Variants in TULP4 observed in about 807,000 individuals in gnomAD.
TULP4 encodes tubby-related protein 4.
A neutral mutation model predicts 129.0 loss-of-function variants in TULP4; 16 were observed. That is an observed-to-expected ratio of 0.12 (90% CI 0.08 to 0.19). The LOEUF (loss-of-function observed/expected upper bound fraction) is 0.19, where lower values mean the gene tolerates loss of function less well. TULP4 is among the 10% of genes least tolerant of loss of function. The pLI, the probability that TULP4 is intolerant of heterozygous loss-of-function variation, is 1.00. For missense variants in TULP4, 1,842 were observed against 2,059.1 expected (o/e 0.89, Z 2.04); for synonymous variants, 998 against 854.0 (o/e 1.17, Z -2.94).
At chr6:158,310,071 C>G (rs117225742), upstream of TULP4, among the ~76,000 whole-genome samples, 5,204 of 152,254 alleles carry the variant, frequency 0.034, 146 homozygotes, top group South Asian at 0.1. Flanking sequence ...ATTTGTCATT[C>G]ATACTTTTTA....
chr6:158,425,796 A>G (rs1005777187), intron 2 of TULP4, among the ~76,000 whole-genome samples: 1 of 151,934 alleles, frequency 6.6e-6, no homozygotes, highest in African/African-American at 2.4e-5. Flanking sequence ...TAGAGATGGG[A>G]AACCCATCTC....
chr6:158,368,065 C>CAAAAAAAAAAAAAAAAA, intron 1 of TULP4, among the ~76,000 whole-genome samples: 1 of 18,130 alleles, frequency 5.5e-5, no homozygotes, highest in Non-Finnish European at 1.4e-4. Flanking sequence ...GACCCTGTCT[C>CAAAAAAAAAAAAAAAAA]CAAAAAAAAA....
intron 1 of TULP4, among the ~76,000 whole-genome samples, chr6:158,297,604 G>T (rs969878606): frequency 6.6e-6 from 1 of 152,166 alleles, no homozygotes; most frequent in Admixed American, 6.6e-5. Context: ...AATTATAAAA[G>T]TATTAATTTT....
At chr6:158,268,035 C>CTTTTTTTTTTTTTTTTTTTTTTTTTTTTT (rs773811376) in intron 1 of TULP4, among the ~76,000 whole-genome samples, 8 of 72,768 alleles carry the variant, frequency 1.1e-4, no homozygotes, top group Non-Finnish European at 2.5e-4. Flanking sequence ...TTTCTTTTTT[C>CTTTTTTTTTTTTTTTTTTTTTTTTTTTTT]TTTTTTTTTT....
chr6:158,390,145 A>G (rs1388856296), intron 1 of TULP4, among the ~76,000 whole-genome samples: 2 of 152,176 alleles, frequency 1.3e-5, no homozygotes, highest in Non-Finnish European at 2.9e-5. Context: ...AAAAAAGTAT[A>G]TAAAATGATA....
intron 1 of TULP4, among the ~76,000 whole-genome samples, chr6:158,325,360 T>C (rs528712061): frequency 7.3e-4 from 110 of 150,464 alleles, no homozygotes; most frequent in African/African-American, 2.5e-3. Flanking sequence ...CTTTTCTTTT[T>C]TTTTTTTTTT....
intron 1 of TULP4, among the ~76,000 whole-genome samples, chr6:158,382,643 T>G (rs1027235210): frequency 2.6e-5 from 4 of 152,196 alleles, no homozygotes; most frequent in Admixed American, 6.5e-5. Context: ...GATTAATAGA[T>G]AAGGTTGACC....
At chr6:158,361,797 T>C (rs1167012393) in intron 1 of TULP4, among the ~76,000 whole-genome samples, 1 of 152,244 alleles carries the variant, frequency 6.6e-6, no homozygotes, top group Non-Finnish European at 1.5e-5. Flanking sequence ...TACTTCTATA[T>C]TGACTAGCTC....
At position 158,313,937 on chromosome 6, in the gene TULP4, CAT is replaced by C; in HGVS notation, c.-76_-75del. On this transcript the variant is annotated 5_prime_UTR_variant, in exon 1 of 14. Transcript: ENST00000367097. Reference sequence around the variant, plus strand: ...GCAACGCAAGCCAACCACAAAAACACATATACCAATGAAAGAAATTGGTTTAA... The same window carrying C: ...GCAACGCAAGCCAACCACAAAAACACATACCAATGAAAGAAATTGGTTTAA... 1 of 1,528,756 alleles carries C rather than the reference CAT, an allele frequency of 6.5e-7. No individual in the cohort carries two copies. 94.7% of individuals were successfully genotyped at this position (1,528,756 alleles called of 1,614,324 possible).
chr6:158,369,689 A>G (rs1777030250), intron 1 of TULP4, among the ~76,000 whole-genome samples: 1 of 152,182 alleles, frequency 6.6e-6, no homozygotes, highest in South Asian at 2.1e-4. Context: ...AGACAATGCT[A>G]TCATTTGGTT....
chr6:158,478,717 G>A (rs971639878), intron 6 of TULP4, among the ~76,000 whole-genome samples: 4 of 152,138 alleles, frequency 2.6e-5, no homozygotes, highest in Admixed American at 1.3e-4. Flanking sequence ...TGTCTGGATC[G>A]GAATGAACAA....
At position 158,313,272 on chromosome 6, in the gene TULP4, G is replaced by T. The variant is rs1425057853; in HGVS notation, c.-745G>T. On this transcript the variant is annotated 5_prime_UTR_variant, in exon 1 of 14. Transcript: ENST00000367097. ...CCGATGGAGCCCTGCGTTCCCCGGG[G>T]ACACAGGGCCAAGCTTTGAGGTGGA... 7 of 383,080 alleles carry T rather than the reference G, an allele frequency of 1.8e-5. No homozygotes were observed. The highest frequency in any genetic ancestry group is 1.8e-5 in the Non-Finnish European group (4 of 217,164). The allele number at this position is 383,080 out of a possible 1,614,324, so 23.7% of individuals were successfully genotyped here.
At position 158,314,184 on chromosome 6, in the gene TULP4, G is replaced by A; in HGVS notation, c.168G>A (p.Gly56=). 4 of 1,614,106 alleles carry A rather than the reference G, an allele frequency of 2.5e-6. No homozygotes were observed. Among genetic ancestry groups the A allele is most frequent in the Non-Finnish European group, 3.4e-6 (4 of 1,180,030 alleles). ...LATGNGRGVV[G]VTFTSSHCRR... ...CGGGCAACGGGCGAGGAGTGGTTGG[G>A]GTGACTTTCACCTCTAGTCACTGTC... The change falls in exon 1 of 14, where the codon GGG becomes GGA. Residue 56 remains glycine, a synonymous_variant. Transcript: ENST00000367097.
At chr6:158,454,450 C>T (rs934593003) in intron 5 of TULP4, among the ~76,000 whole-genome samples, 13 of 152,176 alleles carry the variant, frequency 8.5e-5, no homozygotes, top group African/African-American at 2.9e-4. Flanking sequence ...CTTGGTTTCT[C>T]TACCAAATAT....
Position 158,321,329 on chromosome 6 carries a change from A to G in TULP4, c.252+7061A>G, listed in dbSNP as rs9456290. Among the ~76,000 whole-genome samples, 728 of 152,038 alleles carry G rather than the reference A, an allele frequency of 4.8e-3. 6 individuals carry two copies. The highest frequency in any genetic ancestry group is 0.016 in the African/African-American group (668 of 41,466). ...TTTTTTGCCTCATCTTTAAATGTTA[A>G]CGGGCACCAGGCATGCATATTTTTC... On this transcript the variant is annotated intron_variant, in intron 1 of 13. Coordinates refer to ENST00000367097, the MANE Select transcript of TULP4 (RefSeq NM_020245.5).
intron 3 of TULP4, among the ~76,000 whole-genome samples, chr6:158,444,246 A>AT (rs1554291963): frequency 0.013 from 1,099 of 86,648 alleles, 41 homozygotes; most frequent in Non-Finnish European, 0.019. Flanking sequence ...AAAAAAAAAA[A>AT]TTTTTTTTTT....
intron 1 of TULP4, among the ~76,000 whole-genome samples, chr6:158,408,583 CA>C (rs1778018048): frequency 6.6e-6 from 1 of 152,088 alleles, no homozygotes; most frequent in African/African-American, 2.4e-5. Flanking sequence ...TGGCTTGCGT[CA>C]AGCAGACGAG....
intron 6 of TULP4, among the ~76,000 whole-genome samples, chr6:158,468,371 A>C (rs1291783162): frequency 6.6e-6 from 1 of 152,218 alleles, no homozygotes; most frequent in Non-Finnish European, 1.5e-5. Flanking sequence ...GAAGTTACAC[A>C]AACTTCTCAG....
chr6:158,233,550 G>A (rs993850598), intron 1 of TULP4, among the ~76,000 whole-genome samples: 1 of 152,144 alleles, frequency 6.6e-6, no homozygotes, highest in South Asian at 2.1e-4. Context: ...AGTTCTCCCC[G>A]GGCTCCGCAG....
Sources: gnomAD v4.1 joint callset for allele counts (sites outside exome capture counted in the v4.1 genomes callset) on GRCh38, gnomAD v4.1.1 for gene constraint, MANE v1.5 for transcripts, NCBI Gene and HGNC (gene_info 2026-07-23, HGNC 2026-07-21) for gene names.